Variants in LSR observed in about 807,000 individuals in gnomAD.
LSR encodes lipolysis stimulated lipoprotein receptor.
In LSR, 44 loss-of-function variants were observed where a neutral mutation model predicts 61.8. The observed-to-expected ratio is 0.71, with a 90% confidence interval of 0.56 to 0.91. The LOEUF (loss-of-function observed/expected upper bound fraction) is 0.91, where lower values mean the gene tolerates loss of function less well. Ranked by LOEUF, LSR falls within the 40% of genes least tolerant of loss-of-function variation. The pLI, the probability that LSR is intolerant of heterozygous loss-of-function variation, is 0.00. For synonymous variants in LSR, 397 were observed against 350.6 expected (o/e 1.13, Z -1.48); for missense variants, 911 against 830.5 (o/e 1.10, Z -1.19).
Position 35,267,861 on chromosome 19 carries a change from C to A in LSR, c.*2C>A, listed in dbSNP as rs138382483. The A allele has an allele frequency of 6.2e-7, 1 of 1,613,920 alleles. No homozygotes were observed. The highest frequency in any genetic ancestry group is 1.1e-5 in the South Asian group (1 of 91,086). On this transcript the variant is annotated 3_prime_UTR_variant, in exon 10 of 10. Coordinates refer to ENST00000605618, the MANE Select transcript of LSR (RefSeq NM_205834.4). ...AGTCGGGAAAGTTTAGTCGTCTGAT[C>A]TGACGTTTTCTACGTAGCTTTTGTA...
chr19:35,263,995 G>A (rs964773693), intron 5 of LSR: 1 of 151,420 alleles, frequency 6.6e-6, no homozygotes, highest in African/African-American at 2.4e-5. Context: ...TAGTAGAGAC[G>A]GGGTTTTGCC....
intron 3 of LSR, among the ~76,000 whole-genome samples, chr19:35,260,956 CTTAGTG>C: frequency 6.6e-6 from 1 of 152,340 alleles, no homozygotes; most frequent in South Asian, 2.1e-4. Context: ...CAAATAACAT[CTTAGTG>C]TTATTCTAAA....
intron 2 of LSR, among the ~76,000 whole-genome samples, chr19:35,257,117 T>C (rs1387834657): frequency 6.6e-6 from 1 of 152,100 alleles, no homozygotes; most frequent in Non-Finnish European, 1.5e-5. Context: ...GGATTACAGG[T>C]GTGAGCCACC....
rs2065787960 is a variant in LSR, at chr19:35,251,081, G to A, written c.454+422G>A. Among the ~76,000 whole-genome samples the A allele has an allele frequency of 2.0e-5, 3 of 152,244 alleles. No individual in the cohort carries two copies. In the South Asian group the frequency reaches 6.2e-4, roughly 32 times the overall value. ...AAAGTGCTGAGAGACACCATACCCA[G>A]CCTAAAGGGAGCGATTCTATTCTAC... On this transcript the variant is annotated intron_variant, in intron 2 of 9. Coordinates refer to ENST00000605618, the MANE Select transcript of LSR (RefSeq NM_205834.4).
In LSR at chr19:35,267,475, A is replaced by G; in HGVS notation, c.1511A>G (p.Asp504Gly). The G allele has an allele frequency of 1.2e-6, 2 of 1,610,786 alleles. No individual in the cohort carries two copies. Among genetic ancestry groups the G allele is most frequent in the Non-Finnish European group, 1.7e-6 (2 of 1,179,460 alleles). Residue 504 changes from aspartate (D) to glycine (G), a missense_variant, in exon 9 of 10, where the codon GAC becomes GGC. Physicochemically the swap from Asp to Gly is moderately conservative, Grantham distance 94. Coordinates refer to ENST00000605618, the MANE Select transcript of LSR (RefSeq NM_205834.4). ...CCACGCTCCCGGGACCCCCACTACG[A>G]CGACTTCAGGTCTCGGGAGCGCCCT... ...DFPRSRDPHY[D>G]DFRSRERPPA...
intron 3 of LSR, among the ~76,000 whole-genome samples, chr19:35,260,101 A>G (rs573103285): frequency 6.6e-6 from 1 of 152,320 alleles, no homozygotes; most frequent in East Asian, 1.9e-4. Context: ...CACGTGCACC[A>G]GTGACCCAGG....
chr19:35,255,988 T>G (rs2065851706), intron 2 of LSR, among the ~76,000 whole-genome samples: 1 of 152,154 alleles, frequency 6.6e-6, no homozygotes, highest in Non-Finnish European at 1.5e-5. Flanking sequence ...ATCCCAGCAC[T>G]TTGGGAGGCC....
chr19:35,249,422 G>A (rs2065761872), intron 1 of LSR: 2 of 434,748 alleles, frequency 4.6e-6, no homozygotes, highest in Non-Finnish European at 8.1e-6. Flanking sequence ...GGGAGTGGAA[G>A]ACCGCCCGAT....
rs781366391 is a variant in LSR at position 35,262,685 on chromosome 19, C to T, written c.771C>T (p.Pro257=). The T allele has an allele frequency of 1.4e-5, 22 of 1,613,432 alleles. No individual in the cohort carries two copies. The highest frequency in any genetic ancestry group is 4.4e-5 in the South Asian group (4 of 91,078). Residue 257 remains proline (P), a synonymous_variant, in exon 5 of 10, where the codon CCC becomes CCT. Coordinates refer to ENST00000605618, the MANE Select transcript of LSR (RefSeq NM_205834.4). ...CPCCPDKCCC[P]EALYAAGKAA... ...GCTGCCCAGACAAGTGCTGCTGCCC[C>T]GAGGCCCGTAAGTGTCCCGCTCATG...
chr19:35,262,553 C>T lies in LSR; in HGVS notation c.639C>T (p.Leu213=). The T allele has an allele frequency of 6.2e-7, 1 of 1,614,218 alleles. No homozygotes were observed. Among genetic ancestry groups the T allele is most frequent in the Admixed American group, 1.7e-5 (1 of 60,026 alleles). The change falls in exon 5 of 10, where the codon CTC becomes CTT. Residue 213 remains leucine (L), a synonymous_variant. Transcript: ENST00000605618. ...GFQAGPIEDW[L]FVVVVCLAAF... ...CCTGTTGTCTTTCTGCAGACTGGCT[C>T]TTCGTGGTTGTGGTATGCCTGGCTG... is the stretch of plus-strand genomic sequence containing the variant.
intron 2 of LSR, among the ~76,000 whole-genome samples, chr19:35,257,718 A>C (rs2065873458): frequency 6.6e-6 from 1 of 152,156 alleles, no homozygotes; most frequent in Non-Finnish European, 1.5e-5. Flanking sequence ...TTCTGTCCCC[A>C]GTGGCTTAAG....
At chr19:35,258,060 G>T (rs943408428) in intron 2 of LSR, among the ~76,000 whole-genome samples, 6 of 152,008 alleles carry the variant, frequency 3.9e-5, no homozygotes, top group Non-Finnish European at 5.9e-5. Flanking sequence ...CCCATCCCTG[G>T]GGTCTACACT....
chr19:35,256,324 A>G (rs2065856358), intron 2 of LSR, among the ~76,000 whole-genome samples: 1 of 152,256 alleles, frequency 6.6e-6, no homozygotes, highest in Non-Finnish European at 1.5e-5. Context: ...ATGACAATAA[A>G]GTCATTATAG....
intron 3 of LSR, among the ~76,000 whole-genome samples, chr19:35,260,181 A>G (rs1364816636): frequency 2.0e-5 from 3 of 151,196 alleles, no homozygotes; most frequent in East Asian, 1.9e-4. Flanking sequence ...CTCCAGGTCT[A>G]TTTACACTCT....
chr19:35,251,380 T>C (rs1189009678), intron 2 of LSR: 1 of 152,234 alleles, frequency 6.6e-6, no homozygotes, highest in Non-Finnish European at 1.5e-5. Flanking sequence ...AAGTAAAATT[T>C]ATCTAAGTAA....
chr19:35,260,833 A>C (rs1419773615), intron 3 of LSR, among the ~76,000 whole-genome samples: 3 of 149,258 alleles, frequency 2.0e-5, no homozygotes, highest in East Asian at 2.0e-4. Flanking sequence ...AAGAAACACA[A>C]ACACACACAC....
chr19:35,261,054 A>T (rs1044051315), intron 3 of LSR, among the ~76,000 whole-genome samples: 3 of 152,376 alleles, frequency 2.0e-5, no homozygotes, highest in East Asian at 3.9e-4. Context: ...GAGGGCCTAT[A>T]GTGCCAAGTG....
chr19:35,266,147 TG>T (rs909115018), intron 5 of LSR, among the ~76,000 whole-genome samples: 2 of 152,012 alleles, frequency 1.3e-5, no homozygotes, highest in African/African-American at 4.8e-5. Flanking sequence ...GGAAGTGGGG[TG>T]GGGTCTCTGT....
intron 5 of LSR, among the ~76,000 whole-genome samples, chr19:35,265,688 G>A (rs768514462): frequency 3.3e-5 from 5 of 152,170 alleles, no homozygotes; most frequent in Non-Finnish European, 7.4e-5. Context: ...CTAGAGCCTG[G>A]TGGGGCAGGC....
Sources: gnomAD v4.1 joint callset for allele counts (sites outside exome capture counted in the v4.1 genomes callset) on GRCh38, gnomAD v4.1.1 for gene constraint, MANE v1.5 for transcripts, NCBI Gene and HGNC (gene_info 2026-07-23, HGNC 2026-07-21) for gene names.